VDAC1: variants seen among roughly 807,000 people sequenced by gnomAD.
The protein encoded by VDAC1 is non-selective voltage-gated ion channel VDAC1.
A neutral mutation model predicts 34.7 loss-of-function variants in VDAC1; 10 were observed. The observed-to-expected ratio is 0.29, with a 90% CI of 0.18 to 0.49. The LOEUF is 0.49. VDAC1 is among the 20% of genes least tolerant of loss of function. The pLI, the probability that VDAC1 is intolerant of heterozygous loss-of-function variation, is 0.99. For missense variants in VDAC1, 230 were observed against 347.9 expected (o/e 0.66, Z 2.69); for synonymous variants, 130 against 136.0 (o/e 0.96, Z 0.30).
chr5:133,997,506 T>C (rs1163388694), intron 1 of VDAC1, among the ~76,000 whole-genome samples: 1 of 149,082 alleles, frequency 6.7e-6, no homozygotes, highest in Admixed American at 6.7e-5. Flanking sequence ...CAGATCAACC[T>C]GGCCAACATG....
chr5:134,100,990 A>T, the VDAC1 span, among the ~76,000 whole-genome samples: 6 of 152,216 alleles, frequency 3.9e-5, no homozygotes, highest in African/African-American at 1.4e-4. Flanking sequence ...CCTCCTTCTG[A>T]TCCATTCTCT....
chr5:133,996,840 T>C (rs1378428356), intron 1 of VDAC1, among the ~76,000 whole-genome samples: 4 of 152,138 alleles, frequency 2.6e-5, no homozygotes, highest in Non-Finnish European at 5.9e-5. Context: ...CTCTGCAGGC[T>C]CACTGTTGCA....
chr5:133,991,732 A>G (rs1305260176), intron 3 of VDAC1, among the ~76,000 whole-genome samples: 1 of 152,090 alleles, frequency 6.6e-6, no homozygotes, highest in Non-Finnish European at 1.5e-5. Context: ...AAAACCACAA[A>G]AACTGCCAGA....
the VDAC1 span, among the ~76,000 whole-genome samples, chr5:134,112,535 G>C: frequency 9.2e-5 from 14 of 152,304 alleles, no homozygotes; most frequent in African/African-American, 3.1e-4. Flanking sequence ...GCAGGGTGGG[G>C]AGTTGGAGCT....
At chr5:134,086,577 C>T in the VDAC1 span, among the ~76,000 whole-genome samples, 4 of 152,220 alleles carry the variant, frequency 2.6e-5, no homozygotes, top group Non-Finnish European at 4.4e-5. Context: ...GGAAAAACAG[C>T]TGTTTCTAGG....
the VDAC1 span, among the ~76,000 whole-genome samples, chr5:134,085,722 TAA>T: frequency 1.4e-3 from 62 of 44,240 alleles, 1 homozygote; most frequent in South Asian, 0.012. Context: ...ACCCCATTTC[TAA>T]AAAAAAAAAA....
the VDAC1 span, among the ~76,000 whole-genome samples, chr5:134,041,424 C>T: frequency 6.6e-6 from 1 of 152,190 alleles, no homozygotes; most frequent in Non-Finnish European, 1.5e-5. Flanking sequence ...AGTGGGAAGG[C>T]GAAGGAATGG....
At chr5:134,064,813 G>A in the VDAC1 span, among the ~76,000 whole-genome samples, 6,316 of 151,524 alleles carry the variant, frequency 0.042, 434 homozygotes, top group African/African-American at 0.15. Flanking sequence ...TGCTCCCTGG[G>A]CTCAAGTGAT....
chr5:134,094,012 AC>A, the VDAC1 span, among the ~76,000 whole-genome samples: 1 of 152,116 alleles, frequency 6.6e-6, no homozygotes, highest in Non-Finnish European at 1.5e-5. Context: ...TGTAGCATCA[AC>A]CCCACTGAAA....
chr5:134,011,345 A>G, the VDAC1 span, among the ~76,000 whole-genome samples: 1 of 151,996 alleles, frequency 6.6e-6, no homozygotes, highest in African/African-American at 2.4e-5. Flanking sequence ...TTGCTTGTTG[A>G]ACTCTTTAAG....
chr5:134,009,686 T>C (rs1174176566), upstream of VDAC1, among the ~76,000 whole-genome samples: 1 of 152,082 alleles, frequency 6.6e-6, no homozygotes, highest in Non-Finnish European at 1.5e-5. Context: ...TTGTTTTGTT[T>C]TGTTTTGTTT....
chr5:133,975,417 A>G (rs1435078909), intron 7 of VDAC1, among the ~76,000 whole-genome samples: 1 of 151,976 alleles, frequency 6.6e-6, no homozygotes, highest in Non-Finnish European at 1.5e-5. Flanking sequence ...CACTCTTTTC[A>G]AAGTGAGAAC....
the VDAC1 span, among the ~76,000 whole-genome samples, chr5:134,094,453 C>CT: frequency 6.6e-6 from 1 of 152,106 alleles, no homozygotes; most frequent in Non-Finnish European, 1.5e-5. Flanking sequence ...AATCTCAGCA[C>CT]TTGGGAGGCC....
At chr5:133,984,944 A>G (rs1432413408) in intron 5 of VDAC1, among the ~76,000 whole-genome samples, 1 of 152,224 alleles carries the variant, frequency 6.6e-6, no homozygotes, top group Non-Finnish European at 1.5e-5. Context: ...AAAAAAATAA[A>G]TAAATAAAAA....
intron 5 of VDAC1, among the ~76,000 whole-genome samples, chr5:133,989,510 C>G (rs1409758621): frequency 3.3e-5 from 5 of 152,010 alleles, no homozygotes; most frequent in Admixed American, 2.0e-4. Flanking sequence ...CAGGCACGCA[C>G]CATCATGCCT....
the VDAC1 span, among the ~76,000 whole-genome samples, chr5:134,029,605 G>A: frequency 6.6e-6 from 1 of 152,186 alleles, no homozygotes; most frequent in East Asian, 1.9e-4. Context: ...TGGCTGATAT[G>A]ACTGAGGAAC....
chr5:133,990,731 A>C, intron 5 of VDAC1, 124 bp downstream of exon 5: 1 of 1,147,906 alleles, frequency 8.7e-7, no homozygotes, highest in South Asian at 1.6e-5. Context: ...GAGGACTTAA[A>C]TCGCCAGGTC....
At chr5:133,996,832 C>T (rs1753333928) in intron 1 of VDAC1, among the ~76,000 whole-genome samples, 1 of 152,160 alleles carries the variant, frequency 6.6e-6, no homozygotes, top group African/African-American at 2.4e-5. Context: ...AGAGCTCCCT[C>T]TGCAGGCTCA....
At chr5:134,029,184 T>C in the VDAC1 span, among the ~76,000 whole-genome samples, 1 of 152,216 alleles carries the variant, frequency 6.6e-6, no homozygotes, top group South Asian at 2.1e-4. Flanking sequence ...TGAGCCACCT[T>C]GGAGGAGGCT....
Sources: gnomAD v4.1 joint callset for allele counts (sites outside exome capture counted in the v4.1 genomes callset) on GRCh38, gnomAD v4.1.1 for gene constraint, MANE v1.5 for transcripts, NCBI Gene and HGNC (gene_info 2026-07-23, HGNC 2026-07-21) for gene names.